LRCH3: variants seen among roughly 807,000 people sequenced by gnomAD.
LRCH3 encodes the protein leucine rich repeats and calponin homology domain containing 3.
In LRCH3, 68 loss-of-function variants were observed where a neutral mutation model predicts 104.5. The ratio of observed to expected loss-of-function variants is 0.65; its 90% CI spans 0.54 to 0.80. The LOEUF (loss-of-function observed/expected upper bound fraction) is 0.80. LRCH3 is among the 30% of genes least tolerant of loss of function. The pLI is 0.00. For synonymous variants in LRCH3, 344 were observed against 361.3 expected, an observed-to-expected ratio of 0.95 and a Z score of 0.54; for missense variants, 951 against 953.9, an observed-to-expected ratio of 1.00 and a Z score of 0.04.
intron 1 of LRCH3, among the ~76,000 whole-genome samples, chr3:197,794,196 T>G (rs944565347): frequency 1.3e-5 from 2 of 152,212 alleles, no homozygotes; most frequent in Non-Finnish European, 2.9e-5. Flanking sequence ...CACTATGTAG[T>G]ATCAGTGGTA....
At chr3:197,817,679 T>C (rs1250152469) in intron 3 of LRCH3, among the ~76,000 whole-genome samples, 1 of 152,098 alleles carries the variant, frequency 6.6e-6, no homozygotes, top group Non-Finnish European at 1.5e-5. Context: ...AATTTGTTTG[T>C]ATCATCAATA....
chr3:197,840,021 AT>A (rs772740994), intron 10 of LRCH3, among the ~76,000 whole-genome samples: 1 of 151,758 alleles, frequency 6.6e-6, no homozygotes, highest in African/African-American at 2.4e-5. Context: ...GAGAGTTCTA[AT>A]TTTTTTTAAC....
At chr3:197,799,901 G>T (rs771492103) in intron 1 of LRCH3, among the ~76,000 whole-genome samples, 31 of 151,656 alleles carry the variant, frequency 2.0e-4, no homozygotes, top group Non-Finnish European at 3.5e-4. Flanking sequence ...AAAAGAACAG[G>T]CCGGGTGCAG....
chr3:197,817,200 G>T lies in LRCH3; in HGVS notation c.432G>T (p.Pro144=), dbSNP rs746387277. The change falls in exon 3 of 21, where the codon CCG becomes CCT. Residue 144 remains proline (P), a synonymous_variant. Transcript: ENST00000425562. ...GTCGGAACCAACTGTCAACATTGCC[G>T]GTACACTTGTGTAATTTGCCATTGA... The part of the protein sequence containing the change: ...NISRNQLSTL[P]VHLCNLPLKV... 1 of 1,600,662 alleles carries T rather than the reference G, an allele frequency of 6.2e-7. No homozygotes were observed. Among genetic ancestry groups the T allele is most frequent in the South Asian group, 1.1e-5 (1 of 89,298 alleles).
intron 20 of LRCH3, among the ~76,000 whole-genome samples, chr3:197,878,600 C>A (rs1005030102): frequency 6.6e-6 from 1 of 152,190 alleles, no homozygotes; most frequent in Non-Finnish European, 1.5e-5. Flanking sequence ...CCTTCCACCT[C>A]CCACCCACGT....
intron 20 of LRCH3, chr3:197,882,529 CAA>C (rs773529166): frequency 4.6e-6 from 4 of 863,336 alleles, no homozygotes; most frequent in Non-Finnish European, 5.5e-6. Context: ...AAACAAAAAA[CAA>C]AAAACAAAAA....
At position 197,833,365 on chromosome 3, in the gene LRCH3, GAAAAAAAAA is replaced by G. The variant is rs71166710; in HGVS notation, c.1102+1066_1102+1074del. ...TGAAACCCCATCTCTACTAAAAACC[GAAAAAAAAA>G]AAAAAAAAAAAAAAAAAGCAGGGCA... On this transcript the variant is annotated intron_variant, in intron 8 of 20. Transcript: ENST00000425562. 4.2e-4 allele frequency among the ~76,000 whole-genome samples: 14 copies of G among 33,336 alleles called. No homozygotes were observed. In the East Asian group the frequency reaches 0.012, roughly 28 times the overall value. 21.9% of individuals were successfully genotyped at this position (33,336 alleles called of 152,430 possible).
In LRCH3 at chr3:197,839,312, C is replaced by T; in HGVS notation, c.1252-9C>T. On this transcript the variant is annotated splice_polypyrimidine_tract_variant and intron_variant, in intron 9 of 20. Coordinates refer to ENST00000425562, the MANE Select transcript of LRCH3 (RefSeq NM_001365715.1). Reference sequence around the variant, plus strand: ...TACTAAATTTATTTATTTCTGTCCTCTGGCCTAGGGTTCACCAGTAAAGCC... The same window carrying T: ...TACTAAATTTATTTATTTCTGTCCTTTGGCCTAGGGTTCACCAGTAAAGCC... 4 of 1,569,426 alleles carry T rather than the reference C, an allele frequency of 2.5e-6. No individual in the cohort carries two copies. Among genetic ancestry groups the T allele is most frequent in the Non-Finnish European group, 3.5e-6 (4 of 1,158,802 alleles).
chr3:197,796,251 C>T (rs28681035), intron 1 of LRCH3, among the ~76,000 whole-genome samples: 5,483 of 152,068 alleles, frequency 0.036, 166 homozygotes, highest in African/African-American at 0.077. Flanking sequence ...CTCAAGGGAT[C>T]TAATGGGGAG....
chr3:197,820,189 CTT>C, intron 3 of LRCH3, 134 bp from the exon 4 acceptor site: 1 of 656,562 alleles, frequency 1.5e-6, no homozygotes, highest in South Asian at 1.8e-5. Flanking sequence ...TAGGTAGTCT[CTT>C]TTCAGAACCA....
intron 14 of LRCH3, among the ~76,000 whole-genome samples, chr3:197,855,510 A>T (rs1346492320): frequency 6.6e-6 from 1 of 152,218 alleles, no homozygotes; most frequent in African/African-American, 2.4e-5. Flanking sequence ...TGAGGCCCAG[A>T]ATGTGACTTG....
chr3:197,793,115 A>G (rs1477896991), intron 1 of LRCH3, among the ~76,000 whole-genome samples: 1 of 152,228 alleles, frequency 6.6e-6, no homozygotes, highest in Non-Finnish European at 1.5e-5. Flanking sequence ...TTTATTTTAA[A>G]ATCTTAGATT....
chr3:197,836,982 TTA>T (rs1480207736), intron 9 of LRCH3, among the ~76,000 whole-genome samples: 2 of 152,138 alleles, frequency 1.3e-5, no homozygotes, highest in Non-Finnish European at 2.9e-5. Context: ...CCAGCCAGTA[TTA>T]TCATTCTTTT....
In LRCH3 at chr3:197,831,062, C is replaced by A. The variant is rs1394404505; in HGVS notation, c.981+199C>A. ...CGGCTTTCTGTCACGTGGATTTCCG[C>A]CTGTTTCCTCATTGCCTCATGGAAA... is the stretch of plus-strand genomic sequence containing the variant. On this transcript the variant is annotated intron_variant, in intron 7 of 20. Transcript: ENST00000425562. 1.1e-5 allele frequency: 5 copies of A among 475,254 alleles called. No individual in the cohort carries two copies. The Admixed American group carries it at 1.8e-4, about 17-fold the overall frequency. The allele number at this position is 475,254 out of a possible 1,614,324, so 29.4% of individuals were successfully genotyped here.
rs1227497042 is a variant in LRCH3 at position 197,824,716 on chromosome 3, A to T, written c.641-2162A>T. Reference sequence around the variant, plus strand: ...CCTCCCAAGTAGCTGGGATTATAGGAGCCCGCCACCACGCCTGGCTAACTT... The same window carrying T: ...CCTCCCAAGTAGCTGGGATTATAGGTGCCCGCCACCACGCCTGGCTAACTT... On this transcript the variant is annotated intron_variant, in intron 4 of 20. Transcript: ENST00000425562. 2.1e-4 allele frequency among the ~76,000 whole-genome samples: 31 copies of T among 150,152 alleles called. 1 individual carries two copies. In the East Asian group the frequency reaches 6.2e-3, roughly 30 times the overall value.
Position 197,887,538 on chromosome 3 carries a change from C to G in LRCH3, c.*3872C>G, listed in dbSNP as rs866426004. ...CCTTCCCATCACTGAACAGTGTTGGCGGCTGAGAGCCCCCCAGCAGAGCCC... is the reference window on the plus strand; with the variant it reads ...CCTTCCCATCACTGAACAGTGTTGGGGGCTGAGAGCCCCCCAGCAGAGCCC... On this transcript the variant is annotated 3_prime_UTR_variant, in exon 21 of 21. Transcript: ENST00000425562. The G allele has an allele frequency of 0.017, 1,499 of 90,306 alleles. 41 individuals are homozygous for G. The highest frequency in any genetic ancestry group is 0.039 in the Middle Eastern group (4 of 102). The allele number at this position is 90,306 out of a possible 1,614,324, so 5.6% of individuals were successfully genotyped here.
At chr3:197,874,718 G>T (rs1006203900) in intron 19 of LRCH3, among the ~76,000 whole-genome samples, 4 of 152,078 alleles carry the variant, frequency 2.6e-5, no homozygotes, top group African/African-American at 9.7e-5. Context: ...AAAAAAGTTT[G>T]TAACTATTCG....
At chr3:197,860,540 TG>T (rs766568611) in intron 15 of LRCH3, among the ~76,000 whole-genome samples, 31 of 151,994 alleles carry the variant, frequency 2.0e-4, no homozygotes, top group African/African-American at 6.0e-4. Flanking sequence ...TACCCCAGCC[TG>T]GGACAGTGCA....
At chr3:197,830,926 A>G (rs1198076551) in intron 7 of LRCH3, 63 bp downstream of exon 7, 2 of 1,362,530 alleles carry the variant, frequency 1.5e-6, no homozygotes, top group Non-Finnish European at 2.1e-6. Flanking sequence ...AATGATGAAA[A>G]TGAAAAGCGT....
Sources: gnomAD v4.1 joint callset for allele counts (sites outside exome capture counted in the v4.1 genomes callset) on GRCh38, gnomAD v4.1.1 for gene constraint, MANE v1.5 for transcripts, NCBI Gene and HGNC (gene_info 2026-07-23, HGNC 2026-07-21) for gene names.